The following MEIKIN variants were observed in gnomAD, a reference collection of about 807,000 sequenced individuals.
The protein encoded by MEIKIN is meiosis-specific kinetochore protein.
At chr5:131,919,055 C>A (rs1241643994) in intron 6 of MEIKIN, among the ~76,000 whole-genome samples, 4 of 152,050 alleles carry the variant, frequency 2.6e-5, no homozygotes, top group Non-Finnish European at 5.9e-5. Context: ...ACAAAATATT[C>A]ATAATATATA....
At chr5:131,926,965 G>T (rs1223820629) in intron 5 of MEIKIN, among the ~76,000 whole-genome samples, 5 of 151,754 alleles carry the variant, frequency 3.3e-5, no homozygotes, top group Non-Finnish European at 7.4e-5. Context: ...CAGTTTCACT[G>T]ATTTCTTTCT....
chr5:131,897,811 G>A lies in MEIKIN; in HGVS notation c.703+14004C>T, dbSNP rs180679929. Among the ~76,000 whole-genome samples the A allele has an allele frequency of 1.4e-4, 21 of 151,984 alleles. No individual in the cohort carries two copies. In the East Asian group the frequency reaches 3.9e-3, roughly 28 times the overall value. On this transcript the variant is annotated intron_variant, in intron 8 of 12. Transcript: ENST00000442687. ...GTCTAACCTTTTTTCAAGGTTTTTA[G>A]CTTGAAATAGGTTTTTCCTTGCAAT...
At chr5:131,826,249 A>T (rs1749606913) in intron 11 of MEIKIN, among the ~76,000 whole-genome samples, 1 of 152,052 alleles carries the variant, frequency 6.6e-6, no homozygotes, top group Non-Finnish European at 1.5e-5. Flanking sequence ...TTCAAAATGA[A>T]GAAAAATGAT....
At chr5:131,893,477 G>C (rs1202824966) in intron 8 of MEIKIN, among the ~76,000 whole-genome samples, 1 of 152,172 alleles carries the variant, frequency 6.6e-6, no homozygotes. Context: ...CGATATTCCA[G>C]GTGCCATCTG....
intron 6 of MEIKIN, 38 bp downstream of exon 6, chr5:131,921,784 A>G (rs1751509433): frequency 2.5e-6 from 1 of 398,736 alleles, no homozygotes. Flanking sequence ...TGCTTTTCCA[A>G]CATAGATGAG....
At chr5:131,829,659 T>C (rs1052001578) in intron 11 of MEIKIN, among the ~76,000 whole-genome samples, 1 of 152,180 alleles carries the variant, frequency 6.6e-6, no homozygotes. Flanking sequence ...AAAAAATATG[T>C]TGAAGTCCTA....
chr5:131,827,557 A>C (rs1580861541), intron 11 of MEIKIN, among the ~76,000 whole-genome samples: 1 of 152,210 alleles, frequency 6.6e-6, no homozygotes, highest in Non-Finnish European at 1.5e-5. Context: ...ATATGTAAAG[A>C]AAAGTGGGAT....
chr5:131,877,957 T>A (rs181501567), intron 9 of MEIKIN, among the ~76,000 whole-genome samples: 38 of 152,334 alleles, frequency 2.5e-4, no homozygotes, highest in South Asian at 8.3e-4. Context: ...CTAGGATCAA[T>A]CATCCCTTTA....
chr5:131,933,365 AAC>A (rs1751719892), intron 5 of MEIKIN, 146 bp downstream of exon 5: 1 of 372,966 alleles, frequency 2.7e-6, no homozygotes, highest in East Asian at 3.8e-5. Context: ...CTGGGAATGA[AAC>A]ACAACGGGTA....
chr5:131,852,065 TAAAC>T (rs1375734125), intron 10 of MEIKIN, among the ~76,000 whole-genome samples: 2 of 152,200 alleles, frequency 1.3e-5, no homozygotes, highest in African/African-American at 4.8e-5. Context: ...ACTGAATTGA[TAAAC>T]AAAATATGGT....
Position 131,806,996 on chromosome 5 carries a change from T to C in MEIKIN, c.*240A>G, listed in dbSNP as rs747200255. 4 of 327,962 alleles carry C rather than the reference T, an allele frequency of 1.2e-5. No homozygotes were observed. Among genetic ancestry groups the C allele is most frequent in the Non-Finnish European group, 2.2e-5 (4 of 183,264 alleles). 20.3% of individuals were successfully genotyped at this position (327,962 alleles called of 1,614,324 possible). On this transcript the variant is annotated 3_prime_UTR_variant, in exon 13 of 13. Coordinates refer to ENST00000442687, the MANE Select transcript of MEIKIN (RefSeq NM_001303622.2). ...AGTCTTCTAATACCAATGATTTGGT[T>C]CTTTATCTTTTAATATAAATACATA...
chr5:131,871,820 C>A (rs1339945533), intron 9 of MEIKIN, among the ~76,000 whole-genome samples: 1 of 152,156 alleles, frequency 6.6e-6, no homozygotes, highest in Non-Finnish European at 1.5e-5. Context: ...AACGATCAGG[C>A]AGCAGCATTT....
chr5:131,826,892 T>A (rs1194178858), intron 11 of MEIKIN, among the ~76,000 whole-genome samples: 1 of 152,208 alleles, frequency 6.6e-6, no homozygotes, highest in Admixed American at 6.5e-5. Context: ...TCAGGTAGTA[T>A]CCTTATAGCA....
chr5:131,823,377 ATTCTTTC>A (rs1442251885), intron 11 of MEIKIN, among the ~76,000 whole-genome samples: 1 of 151,546 alleles, frequency 6.6e-6, no homozygotes, highest in African/African-American at 2.4e-5. Context: ...TTCATTCTTT[ATTCTTTC>A]TTCTTTTGTC....
At chr5:131,920,964 A>T (rs1405626117) in intron 6 of MEIKIN, among the ~76,000 whole-genome samples, 2 of 152,082 alleles carry the variant, frequency 1.3e-5, no homozygotes, top group African/African-American at 4.8e-5. Flanking sequence ...AGTCTCCCAA[A>T]GTGCTGGGAT....
At chr5:131,815,714 T>C (rs971199256) in intron 12 of MEIKIN, among the ~76,000 whole-genome samples, 17 of 152,222 alleles carry the variant, frequency 1.1e-4, no homozygotes, top group Admixed American at 6.5e-5. Flanking sequence ...AGGAGATCTC[T>C]TAGGGTATCT....
At chr5:131,910,899 C>T (rs562018053) in intron 8 of MEIKIN, among the ~76,000 whole-genome samples, 2 of 152,092 alleles carry the variant, frequency 1.3e-5, no homozygotes, top group South Asian at 4.1e-4. Context: ...ATATTTTCCA[C>T]AGCTAAAGCA....
intron 8 of MEIKIN, among the ~76,000 whole-genome samples, chr5:131,902,263 T>G (rs763859699): frequency 6.6e-6 from 1 of 152,042 alleles, no homozygotes; most frequent in Non-Finnish European, 1.5e-5. Flanking sequence ...TGAAACCCTG[T>G]CTCTACTAAA....
intron 8 of MEIKIN, among the ~76,000 whole-genome samples, chr5:131,888,521 T>C (rs1561745310): frequency 6.6e-6 from 1 of 152,234 alleles, no homozygotes; most frequent in Non-Finnish European, 1.5e-5. Flanking sequence ...TTGAGAAGTG[T>C]CTGCTCATAT....
Sources: allele counts gnomAD v4.1 joint callset (sites outside exome capture counted in the v4.1 genomes callset), GRCh38; gene constraint gnomAD v4.1.1; transcripts MANE v1.5; gene names NCBI Gene and HGNC (gene_info 2026-07-23, HGNC 2026-07-21).